Variants in HIGD1C observed in about 807,000 individuals in gnomAD.
The protein encoded by HIGD1C is HIG1 domain family member 1C.
In HIGD1C, 11 loss-of-function variants were observed where a neutral mutation model predicts 13.1. The ratio of observed to expected loss-of-function variants is 0.84; its 90% CI spans 0.53 to 1.39. The LOEUF (loss-of-function observed/expected upper bound fraction) is 1.39, where lower values mean the gene tolerates loss of function less well. HIGD1C is among the 40% of genes most tolerant of loss of function. The probability of loss-of-function intolerance (pLI) is 0.00; values close to 1 mark genes in which losing one functional copy is unlikely to be tolerated. For synonymous variants in HIGD1C, 36 were observed against 37.7 expected (o/e 0.95, Z 0.17); for missense variants, 110 against 112.0 (o/e 0.98, Z 0.08).
At chr12:50,967,388 C>A (rs7959075) in intron 2 of HIGD1C, among the ~76,000 whole-genome samples, 22,731 of 152,076 alleles carry the variant, frequency 0.15, 1,899 homozygotes, top group South Asian at 0.26. Context: ...CTCAAATGGT[C>A]CACTTGCCTC....
chr12:50,970,481 G>A lies in HIGD1C; in HGVS notation c.269G>A (p.Arg90Gln), dbSNP rs752714366. The change falls in exon 3 of 3, where the codon CGA becomes CAA. Residue 90 changes from arginine (R) to glutamine (Q), a missense_variant. Arg to Gln is a conservative substitution (Grantham distance 43, BLOSUM62 1). Transcript: ENST00000398455. Reference sequence around the variant, plus strand: ...ATGTATAAGGATTACATTAGACCACGATTCTTCAGTGAGTCCAAAAAATGA... The same window carrying A: ...ATGTATAAGGATTACATTAGACCACAATTCTTCAGTGAGTCCAAAAAATGA... 1.2e-5 allele frequency: 18 copies of A among 1,534,628 alleles called. No individual in the cohort carries two copies. In the African/African-American group the frequency reaches 1.4e-4, roughly 12 times the overall value.
intron 1 of HIGD1C, among the ~76,000 whole-genome samples, chr12:50,959,743 G>C (rs1046043158): frequency 6.6e-6 from 1 of 152,064 alleles, no homozygotes; most frequent in African/African-American, 2.4e-5. Flanking sequence ...CACCTCCTGG[G>C]TTCAAGTGAT....
chr12:50,948,589 G>A, the HIGD1C span, among the ~76,000 whole-genome samples: 4,232 of 151,262 alleles, frequency 0.028, 200 homozygotes, highest in African/African-American at 0.098. Context: ...TAAAAACACC[G>A]CCGGGTGCAG....
the HIGD1C span, among the ~76,000 whole-genome samples, chr12:50,947,148 C>G: frequency 6.5e-3 from 988 of 152,284 alleles, 4 homozygotes; most frequent in Non-Finnish European, 0.011. Context: ...ATCTGTGACA[C>G]GTCCACCCTT....
chr12:50,946,860 TA>T, the HIGD1C span, among the ~76,000 whole-genome samples: 1 of 152,144 alleles, frequency 6.6e-6, no homozygotes, highest in Non-Finnish European at 1.5e-5. Flanking sequence ...TATACATATG[TA>T]AAAAACCTGC....
downstream of HIGD1C, among the ~76,000 whole-genome samples, chr12:50,972,285 C>T (rs557355297): frequency 9.9e-5 from 15 of 152,272 alleles, no homozygotes; most frequent in East Asian, 2.9e-3. Flanking sequence ...GTAAGTTCCA[C>T]AATTTTGTAA....
chr12:50,963,112 G>A (rs1384121282), intron 2 of HIGD1C, among the ~76,000 whole-genome samples: 1 of 152,004 alleles, frequency 6.6e-6, no homozygotes, highest in African/African-American at 2.4e-5. Flanking sequence ...GTTTGCACCT[G>A]TAATCCCAGC....
chr12:50,957,962 G>GTGTGTC, intron 1 of HIGD1C, among the ~76,000 whole-genome samples: 1 of 150,538 alleles, frequency 6.6e-6, no homozygotes, highest in African/African-American at 2.4e-5. Flanking sequence ...GTGTGTGTGT[G>GTGTGTC]TGTGTGTGTG....
downstream of HIGD1C, among the ~76,000 whole-genome samples, chr12:50,971,852 T>C (rs1939770296): frequency 6.6e-6 from 1 of 152,240 alleles, no homozygotes; most frequent in African/African-American, 2.4e-5. Context: ...TGTAAGAATA[T>C]ATGAAAATAT....
exon 2 of HIGD1C, chr12:50,961,067 C>A: frequency 6.2e-7 from 1 of 1,613,812 alleles, no homozygotes. Context: ...ATGAGAGTTG[C>A]TGCCCAAGGA....
At chr12:50,969,717 A>C (rs1350166004) in intron 2 of HIGD1C, among the ~76,000 whole-genome samples, 4 of 148,080 alleles carry the variant, frequency 2.7e-5, no homozygotes, top group East Asian at 3.9e-4. Flanking sequence ...AAAAAAAAAC[A>C]AAAACAAAAC....
At chr12:50,951,573 G>T (rs1938897018), upstream of HIGD1C, among the ~76,000 whole-genome samples, 1 of 151,988 alleles carries the variant, frequency 6.6e-6, no homozygotes, top group Non-Finnish European at 1.5e-5. Context: ...GTTGGGGGAG[G>T]GGACGGGAAC....
At chr12:50,957,940 GT>G (rs1939167931) in intron 1 of HIGD1C, among the ~76,000 whole-genome samples, 2 of 64,866 alleles carry the variant, frequency 3.1e-5, no homozygotes, top group East Asian at 8.0e-4. Flanking sequence ...AATTGGAGGT[GT>G]GTGTGTGTGT....
chr12:50,952,821 C>G (rs1938947608), upstream of HIGD1C, among the ~76,000 whole-genome samples: 1 of 152,176 alleles, frequency 6.6e-6, no homozygotes, highest in African/African-American at 2.4e-5. Flanking sequence ...ATCCTGGCCT[C>G]TGATGGCTAT....
chr12:50,963,982 A>G (rs1391700671), intron 2 of HIGD1C, among the ~76,000 whole-genome samples: 1 of 152,156 alleles, frequency 6.6e-6, no homozygotes, highest in Non-Finnish European at 1.5e-5. Flanking sequence ...TTATCTCCCA[A>G]AAGAGGATAC....
chr12:50,935,782 C>T, the HIGD1C span, among the ~76,000 whole-genome samples: 4 of 152,302 alleles, frequency 2.6e-5, no homozygotes, highest in Admixed American at 2.0e-4. Context: ...AGCCACCACA[C>T]CCAGCCCCAG....
intron 1 of HIGD1C, among the ~76,000 whole-genome samples, chr12:50,960,220 A>G (rs971094542): frequency 1.3e-5 from 2 of 152,106 alleles, no homozygotes; most frequent in African/African-American, 4.8e-5. Flanking sequence ...ATCTCTCACT[A>G]AAGTTTATTG....
the HIGD1C span, among the ~76,000 whole-genome samples, chr12:50,948,645 G>A: frequency 6.6e-6 from 1 of 150,574 alleles, no homozygotes; most frequent in Non-Finnish European, 1.5e-5. Flanking sequence ...CGAGGAGGGT[G>A]GATCATGAGG....
At chr12:50,961,175 T>C (rs1939314816) in intron 2 of HIGD1C, 73 bp downstream of exon 4, 3 of 1,450,218 alleles carry the variant, frequency 2.1e-6, no homozygotes, top group East Asian at 4.6e-5. Flanking sequence ...TCATTCATAG[T>C]AGAAGATGAA....
Sources: gnomAD v4.1 joint callset for allele counts (sites outside exome capture counted in the v4.1 genomes callset) on GRCh38, gnomAD v4.1.1 for gene constraint, MANE v1.5 for transcripts, NCBI Gene and HGNC (gene_info 2026-07-23, HGNC 2026-07-21) for gene names.